The following GABRB3 variants were observed in gnomAD, a reference collection of about 807,000 sequenced individuals.
GABRB3 encodes gamma-aminobutyric acid receptor subunit beta-3.
Under a neutral mutation model 52.1 loss-of-function variants are expected in GABRB3, and 14 were observed. The observed-to-expected ratio is 0.27, with a 90% CI of 0.18 to 0.42. The LOEUF is 0.42. GABRB3 is among the 10% of genes least tolerant of loss of function. The probability of loss-of-function intolerance (pLI) is 1.00; values close to 1 mark genes in which losing one functional copy is unlikely to be tolerated. For missense variants in GABRB3, 307 were observed against 609.1 expected (o/e 0.50, Z 5.22); for synonymous variants, 260 against 232.3 (o/e 1.12, Z -1.08).
rs115274354 is a variant in GABRB3, at chr15:26,764,791, G to C, written c.240+7611C>G. ...CACCTCTGCTCCACGGCACTGCTGAGTGGGCAGGCGGAAGGGAAGACATAG... is the reference window on the plus strand; with the variant it reads ...CACCTCTGCTCCACGGCACTGCTGACTGGGCAGGCGGAAGGGAAGACATAG... On this transcript the variant is annotated intron_variant, in intron 3 of 8. Coordinates refer to ENST00000311550, the MANE Select transcript of GABRB3 (RefSeq NM_000814.6). Among the ~76,000 whole-genome samples the C allele has an allele frequency of 2.0e-3, 302 of 152,260 alleles. 1 individual carries two copies. The highest frequency in any genetic ancestry group is 6.4e-3 in the African/African-American group (265 of 41,536).
At chr15:26,699,011 C>T (rs1449163816) in intron 3 of GABRB3, among the ~76,000 whole-genome samples, 1 of 151,954 alleles carries the variant, frequency 6.6e-6, no homozygotes, top group Non-Finnish European at 1.5e-5. Flanking sequence ...GAACGTCATT[C>T]ATATAGTGTG....
intron 3 of GABRB3, among the ~76,000 whole-genome samples, chr15:26,714,072 T>A (rs1889391001): frequency 6.6e-6 from 1 of 152,230 alleles, no homozygotes; most frequent in African/African-American, 2.4e-5. Context: ...AATATGTTTG[T>A]CACTGCATTC....
At chr15:26,552,109 C>T (rs184950249) in intron 8 of GABRB3, among the ~76,000 whole-genome samples, 207 of 152,162 alleles carry the variant, frequency 1.4e-3, no homozygotes, top group Middle Eastern at 3.4e-3. Context: ...TGGGTTCAAG[C>T]GATTCTCCTT....
chr15:26,724,839 C>A (rs915881327), intron 3 of GABRB3, among the ~76,000 whole-genome samples: 32 of 152,164 alleles, frequency 2.1e-4, no homozygotes, highest in African/African-American at 7.2e-4. Flanking sequence ...CCTTTGCCCC[C>A]CCTCAAAGTA....
rs983106102 is a variant in GABRB3, at chr15:26,548,211, T to C, written c.1081-77A>G. On this transcript the variant is annotated intron_variant, in intron 8 of 8. Coordinates refer to ENST00000311550, the MANE Select transcript of GABRB3 (RefSeq NM_000814.6). Reference sequence around the variant, plus strand: ...TATGCAGATCCCGGACAGAATGATGTCATGCCATCACATGTTGCATGTTTT... The same window carrying C: ...TATGCAGATCCCGGACAGAATGATGCCATGCCATCACATGTTGCATGTTTT... 4 of 1,096,968 alleles carry C rather than the reference T, an allele frequency of 3.6e-6. No homozygotes were observed. In the South Asian group the frequency reaches 4.9e-5, roughly 14 times the overall value. 68.0% of individuals were successfully genotyped at this position (1,096,968 alleles called of 1,614,324 possible). A position where few individuals can be genotyped will look rare whatever the true frequency, so the allele number is the denominator to read the frequency against.
chr15:26,615,217 G>C (rs796889001), intron 4 of GABRB3: 1 of 896,432 alleles, frequency 1.1e-6, no homozygotes, highest in Non-Finnish European at 1.3e-6. Flanking sequence ...GCTGTGACTG[G>C]GACAGGACAA....
intron 3 of GABRB3, among the ~76,000 whole-genome samples, chr15:26,669,455 G>A (rs545270157): frequency 2.1e-4 from 32 of 152,252 alleles, no homozygotes; most frequent in Non-Finnish European, 3.7e-4. Context: ...TGTCTGCCAT[G>A]GGGTAGGTGT....
intron 3 of GABRB3, among the ~76,000 whole-genome samples, chr15:26,656,618 T>C (rs928432242): frequency 6.6e-6 from 1 of 152,160 alleles, no homozygotes; most frequent in African/African-American, 2.4e-5. Flanking sequence ...GTTAGATCAG[T>C]GGCAGCATTA....
At chr15:26,693,861 C>G (rs181887602) in intron 3 of GABRB3, among the ~76,000 whole-genome samples, 1 of 152,178 alleles carries the variant, frequency 6.6e-6, no homozygotes, top group Non-Finnish European at 1.5e-5. Context: ...AGCCCCTATA[C>G]TTTTGAGAGT....
intron 3 of GABRB3, among the ~76,000 whole-genome samples, chr15:26,754,326 A>G (rs1031835278): frequency 6.6e-6 from 1 of 152,098 alleles, no homozygotes; most frequent in Non-Finnish European, 1.5e-5. Context: ...AAGAAAAGAG[A>G]GAGACAGAGA....
At chr15:26,729,029 T>C (rs1246566820) in intron 3 of GABRB3, among the ~76,000 whole-genome samples, 1 of 152,202 alleles carries the variant, frequency 6.6e-6, no homozygotes, top group Non-Finnish European at 1.5e-5. Context: ...CTGACTTAAG[T>C]CTGACTTAGT....
intron 3 of GABRB3, among the ~76,000 whole-genome samples, chr15:26,686,137 G>T (rs1035199228): frequency 6.6e-6 from 1 of 151,904 alleles, no homozygotes; most frequent in Non-Finnish European, 1.5e-5. Flanking sequence ...GAAACATGGG[G>T]TCTTGCTATG....
At chr15:26,601,759 T>C (rs112382580) in intron 4 of GABRB3, among the ~76,000 whole-genome samples, 1,817 of 151,972 alleles carry the variant, frequency 0.012, 33 homozygotes, top group African/African-American at 0.041. Context: ...AAATGTACAA[T>C]GATACATAAA....
intron 3 of GABRB3, among the ~76,000 whole-genome samples, chr15:26,719,294 G>T (rs965850705): frequency 2.0e-5 from 3 of 152,216 alleles, no homozygotes; most frequent in Non-Finnish European, 2.9e-5. Flanking sequence ...GACTGTTCCA[G>T]GACTCCGCAC....
chr15:26,707,106 C>A (rs2140125237), intron 3 of GABRB3, among the ~76,000 whole-genome samples: 1 of 152,262 alleles, frequency 6.6e-6, no homozygotes, highest in South Asian at 2.1e-4. Flanking sequence ...AATATTTTAA[C>A]AAAATGCACC....
chr15:26,732,998 T>C (rs1889973280), intron 3 of GABRB3, among the ~76,000 whole-genome samples: 1 of 29,350 alleles, frequency 3.4e-5, no homozygotes, highest in South Asian at 4.7e-3. Context: ...ACCTTGTCTC[T>C]AATAGAAAAA....
chr15:26,767,881 A>G (rs957849801), intron 3 of GABRB3, among the ~76,000 whole-genome samples: 2 of 152,178 alleles, frequency 1.3e-5, no homozygotes, highest in African/African-American at 4.8e-5. Flanking sequence ...AAAACATAAA[A>G]TAATAGTGCA....
At chr15:26,657,259 C>T (rs1887402985) in intron 3 of GABRB3, 1 of 152,184 alleles carries the variant, frequency 6.6e-6, no homozygotes, top group Non-Finnish European at 1.5e-5. Context: ...CACCTTTGAG[C>T]TGTTAGTAGC....
At chr15:26,739,397 T>G (rs939465082) in intron 3 of GABRB3, among the ~76,000 whole-genome samples, 1 of 152,056 alleles carries the variant, frequency 6.6e-6, no homozygotes, top group Non-Finnish European at 1.5e-5. Flanking sequence ...TTATCCTTGT[T>G]GACAAAAACT....
Sources: allele counts gnomAD v4.1 joint callset (sites outside exome capture counted in the v4.1 genomes callset), GRCh38; gene constraint gnomAD v4.1.1; transcripts MANE v1.5; gene names NCBI Gene and HGNC (gene_info 2026-07-23, HGNC 2026-07-21).